The following TMPRSS12 variants were observed in gnomAD, a reference collection of about 807,000 sequenced individuals.
TMPRSS12 encodes the protein transmembrane serine protease 12.
Under a neutral mutation model 26.0 loss-of-function variants are expected in TMPRSS12, and 25 were observed. The observed-to-expected ratio is 0.96, with a 90% CI of 0.70 to 1.34. The LOEUF (loss-of-function observed/expected upper bound fraction) is 1.34, where lower values mean the gene tolerates loss of function less well. Ranked by LOEUF, TMPRSS12 falls within the 40% of genes most tolerant of loss-of-function variation. The pLI is 0.00. For synonymous variants in TMPRSS12, 150 were observed against 161.7 expected (o/e 0.93, Z 0.55); for missense variants, 441 against 440.1 (o/e 1.00, Z -0.02).
At chr12:50,885,531 A>G (rs1938217832) in intron 4 of TMPRSS12, 143 bp downstream of exon 4, 2 of 1,027,248 alleles carry the variant, frequency 1.9e-6, no homozygotes, top group Admixed American at 1.9e-5. Context: ...AACTATTTCA[A>G]CAATCCAAAT....
chr12:50,881,928 G>A (rs564199219), intron 3 of TMPRSS12, among the ~76,000 whole-genome samples: 4 of 120,716 alleles, frequency 3.3e-5, no homozygotes, highest in African/African-American at 6.4e-5. Context: ...CCAAGATAAC[G>A]CCACTGCACT....
At chr12:50,883,829 C>T (rs939876108) in intron 3 of TMPRSS12, among the ~76,000 whole-genome samples, 2 of 152,078 alleles carry the variant, frequency 1.3e-5, no homozygotes, top group Non-Finnish European at 2.9e-5. Flanking sequence ...CACAGCAAGA[C>T]CCCATCCCTA....
intron 3 of TMPRSS12, among the ~76,000 whole-genome samples, chr12:50,862,723 G>A (rs527564885): frequency 2.0e-5 from 3 of 151,840 alleles, no homozygotes; most frequent in African/African-American, 7.3e-5. Flanking sequence ...ATGGAATTTC[G>A]CCATGTTGGC....
intron 3 of TMPRSS12, among the ~76,000 whole-genome samples, chr12:50,870,212 A>C (rs1049014864): frequency 4.1e-4 from 62 of 152,234 alleles, no homozygotes; most frequent in Non-Finnish European, 7.9e-4. Context: ...AACAACAACA[A>C]AAAACAAAAC....
intron 3 of TMPRSS12, among the ~76,000 whole-genome samples, chr12:50,866,782 C>A (rs1370726049): frequency 6.6e-6 from 1 of 152,160 alleles, no homozygotes; most frequent in East Asian, 1.9e-4. Context: ...GGCCGAGAGA[C>A]CCATAGATAG....
intron 3 of TMPRSS12, among the ~76,000 whole-genome samples, chr12:50,881,974 AAAAAAAAAAAAAAAAAAAAAAAAAAT>A (rs1217026597): frequency 3.2e-5 from 2 of 63,340 alleles, no homozygotes; most frequent in East Asian, 4.4e-4. Context: ...AAAAAAAAAA[AAAAAAAAAAAAAAAAAAAAAAAAAAT>A]ATATATATAT....
At chr12:50,883,974 C>T (rs747855466) in intron 3 of TMPRSS12, among the ~76,000 whole-genome samples, 1 of 152,008 alleles carries the variant, frequency 6.6e-6, no homozygotes, top group African/African-American at 2.4e-5. Context: ...CACTCTGGGA[C>T]CCAGGCAAGA....
chr12:50,863,157 A>G (rs556986221), intron 3 of TMPRSS12, among the ~76,000 whole-genome samples: 123 of 152,172 alleles, frequency 8.1e-4, no homozygotes, highest in African/African-American at 2.8e-3. Context: ...GGTAACAGAG[A>G]AAGACCCTGT....
Position 50,876,448 on chromosome 12 carries a change from A to G in TMPRSS12, c.653-8798A>G, listed in dbSNP as rs527480589. Among the ~76,000 whole-genome samples the G allele has an allele frequency of 2.6e-5, 4 of 152,314 alleles. No homozygotes were observed. In the East Asian group the frequency reaches 5.8e-4, roughly 22 times the overall value. On this transcript the variant is annotated intron_variant, in intron 3 of 4. Coordinates refer to ENST00000398458, the MANE Select transcript of TMPRSS12 (RefSeq NM_182559.3). ...CTACCAAAAAGACGCATGCACTCCT[A>G]TGTTCATCGCAGCACTGTTTGTAAT... is the stretch of plus-strand genomic sequence containing the variant.
intron 3 of TMPRSS12, among the ~76,000 whole-genome samples, chr12:50,877,595 C>G (rs897335623): frequency 2.0e-5 from 3 of 152,162 alleles, no homozygotes; most frequent in Non-Finnish European, 4.4e-5. Context: ...TTCATAATAG[C>G]GTTTATTTAT....
In TMPRSS12 at chr12:50,859,004, C is replaced by G; in HGVS notation, c.603C>G (p.Asp201Glu). 1 of 1,602,654 alleles carries G rather than the reference C, an allele frequency of 6.2e-7. No homozygotes were observed. Among genetic ancestry groups the G allele is most frequent in the Non-Finnish European group, 8.5e-7 (1 of 1,175,118 alleles). ...CTTTTGATGTTTTCCAAATCCTGGA[C>G]GGAAACACAAAGTGTTTTATAAGTG... The part of the protein sequence containing the change: ...CLPFDVFQIL[D>E]GNTKCFISGW... The change falls in exon 3 of 5, where the codon GAC becomes GAG. Residue 201 changes from aspartate to glutamate, a missense_variant. By Grantham distance (45) the Asp-to-Glu change is conservative. Transcript: ENST00000398458.
rs79166181 is a variant in TMPRSS12 at position 50,863,339 on chromosome 12, G to A, written c.652+4286G>A. On this transcript the variant is annotated intron_variant, in intron 3 of 4. Coordinates refer to ENST00000398458, the MANE Select transcript of TMPRSS12 (RefSeq NM_182559.3). Reference sequence around the variant, plus strand: ...GAAGACATAGCAATGCTAAACGTGTGTACACCAAAAAACAGACATATGGTT... The same window carrying A: ...GAAGACATAGCAATGCTAAACGTGTATACACCAAAAAACAGACATATGGTT... 6.3e-3 allele frequency among the ~76,000 whole-genome samples: 951 copies of A among 151,894 alleles called. 6 individuals are homozygous for A. Among genetic ancestry groups the A allele is most frequent in the African/African-American group, 0.022 (919 of 41,422 alleles).
chr12:50,872,687 C>CATATATATGACGTATATGTGT (rs1194498084), intron 3 of TMPRSS12, among the ~76,000 whole-genome samples: 57 of 14,720 alleles, frequency 3.9e-3, no homozygotes, highest in Non-Finnish European at 7.2e-3. Flanking sequence ...GACGTATATG[C>CATATATATGACGTATATGTGT]ACATATATAT....
rs866982306 is a variant in TMPRSS12 at position 50,871,382 on chromosome 12, T to C, written c.652+12329T>C. Among the ~76,000 whole-genome samples the C allele has an allele frequency of 2.9e-4, 44 of 152,172 alleles. 1 individual carries two copies. Among genetic ancestry groups the C allele is most frequent in the African/African-American group, 9.4e-4 (39 of 41,438 alleles). On this transcript the variant is annotated intron_variant, in intron 3 of 4. Coordinates refer to ENST00000398458, the MANE Select transcript of TMPRSS12 (RefSeq NM_182559.3). The stretch of plus-strand genomic sequence containing the variant: ...CTTTCAACAAATGGGGCTGGGATAA[T>C]TGGCAAGCCACATGTAGGAGAATGA...
At chr12:50,859,170 C>T (rs1271984453) in intron 3 of TMPRSS12, 117 bp downstream of exon 3, 2 of 923,148 alleles carry the variant, frequency 2.2e-6, no homozygotes, top group Non-Finnish European at 3.1e-6. Context: ...TGACAGACCA[C>T]ACACACGATG....
At chr12:50,878,181 T>G (rs1305572180) in intron 3 of TMPRSS12, among the ~76,000 whole-genome samples, 1 of 141,656 alleles carries the variant, frequency 7.1e-6, no homozygotes, top group East Asian at 2.0e-4. Context: ...GGATCTAGAA[T>G]AGCCAAAATT....
intron 2 of TMPRSS12, among the ~76,000 whole-genome samples, chr12:50,856,402 T>C (rs1458568867): frequency 6.6e-6 from 1 of 152,160 alleles, no homozygotes; most frequent in Non-Finnish European, 1.5e-5. Flanking sequence ...CTCTTTTCTT[T>C]ATAAATTACC....
At position 50,849,376 on chromosome 12, in the gene TMPRSS12, C is replaced by G. The variant is rs368706738; in HGVS notation, c.383+5339C>G. Among the ~76,000 whole-genome samples, 37 of 152,280 alleles carry G rather than the reference C, an allele frequency of 2.4e-4. No individual in the cohort carries two copies. The South Asian group carries it at 7.1e-3, about 29-fold the overall frequency. ...GTTTTCTCACTTATGCACTTATTTT[C>G]TTTTTAAAGTTAAGGCATAATTTAC... is the stretch of plus-strand genomic sequence containing the variant. On this transcript the variant is annotated intron_variant, in intron 2 of 4. Transcript: ENST00000398458.
chr12:50,873,185 G>A (rs1408064288), intron 3 of TMPRSS12, among the ~76,000 whole-genome samples: 2 of 151,878 alleles, frequency 1.3e-5, no homozygotes, highest in Non-Finnish European at 2.9e-5. Flanking sequence ...GGGGACTCAG[G>A]GGAAAGGGTG....
Sources: gnomAD v4.1 joint callset for allele counts (sites outside exome capture counted in the v4.1 genomes callset) on GRCh38, gnomAD v4.1.1 for gene constraint, MANE v1.5 for transcripts, NCBI Gene and HGNC (gene_info 2026-07-23, HGNC 2026-07-21) for gene names.